Variants in ARHGAP25 observed in about 807,000 individuals in gnomAD.
ARHGAP25 encodes Rho GTPase activating protein 25, also known as rho GTPase-activating protein 25.
ARHGAP25 carries 34 observed loss-of-function variants against 71.0 expected under a neutral mutation model. The ratio of observed to expected loss-of-function variants is 0.48; its 90% confidence interval spans 0.36 to 0.64. The LOEUF is 0.64. ARHGAP25 is among the 30% of genes least tolerant of loss of function. The pLI is 0.00. For missense variants in ARHGAP25, 706 were observed against 805.1 expected, an observed-to-expected ratio of 0.88 and a Z score of 1.49; for synonymous variants, 282 against 296.5, an observed-to-expected ratio of 0.95 and a Z score of 0.50.
intron 6 of ARHGAP25, among the ~76,000 whole-genome samples, 200 bp downstream of exon 6, chr2:68,813,619 A>G (rs1169855804): frequency 6.6e-6 from 1 of 152,242 alleles, no homozygotes; most frequent in African/African-American, 2.4e-5. Flanking sequence ...CAATAATCCA[A>G]TAAAGAATTG....
At position 68,758,111 on chromosome 2, in the gene ARHGAP25, C is replaced by T. The variant is rs1016482648; in HGVS notation, c.62-17110C>T. On this transcript the variant is annotated intron_variant, in intron 1 of 10. Coordinates refer to ENST00000409202, the MANE Select transcript of ARHGAP25 (RefSeq NM_001007231.3). ...AAAGAAAGTAGCTAAATAATATAGA[C>T]GTACACAAACACGAAGGAAGAAAGT... 5.9e-5 allele frequency among the ~76,000 whole-genome samples: 9 copies of T among 151,802 alleles called. No homozygotes were observed. In the East Asian group the frequency reaches 9.6e-4, roughly 16 times the overall value.
intron 4 of ARHGAP25, among the ~76,000 whole-genome samples, chr2:68,802,204 C>T (rs1009907976): frequency 6.6e-6 from 1 of 151,930 alleles, no homozygotes; most frequent in Admixed American, 6.6e-5. Flanking sequence ...GTCAGGAGAT[C>T]GAGACCTTCC....
chr2:68,759,097 G>C (rs1032250282), intron 1 of ARHGAP25, among the ~76,000 whole-genome samples: 3 of 151,758 alleles, frequency 2.0e-5, no homozygotes, highest in Non-Finnish European at 4.4e-5. Context: ...ATGGAAAACA[G>C]AGAAAGCAGG....
At chr2:68,737,820 C>A (rs1675295798) in intron 1 of ARHGAP25, among the ~76,000 whole-genome samples, 1 of 152,064 alleles carries the variant, frequency 6.6e-6, no homozygotes, top group Non-Finnish European at 1.5e-5. Flanking sequence ...AGGAAAGGGG[C>A]CCTAGCTTTT....
At chr2:68,823,754 G>T in intron 10 of ARHGAP25, among the ~76,000 whole-genome samples, 1 of 152,206 alleles carries the variant, frequency 6.6e-6, no homozygotes, top group East Asian at 1.9e-4. Context: ...TTCCCATTGA[G>T]CACCGGCTGC....
At chr2:68,747,959 T>C (rs776404116) in intron 1 of ARHGAP25, among the ~76,000 whole-genome samples, 9 of 152,232 alleles carry the variant, frequency 5.9e-5, no homozygotes, top group Non-Finnish European at 1.3e-4. Flanking sequence ...TCCACTCTTG[T>C]CCTGGACCAT....
chr2:68,816,202 C>A, intron 6 of ARHGAP25, 87 bp from the exon 7 acceptor site: 1 of 1,094,560 alleles, frequency 9.1e-7, no homozygotes, highest in Non-Finnish European at 1.4e-6. Context: ...TGCACAGATA[C>A]ACCAATTCTG....
chr2:68,757,628 G>A (rs1018523449), intron 1 of ARHGAP25: 1 of 152,024 alleles, frequency 6.6e-6, no homozygotes, highest in Non-Finnish European at 1.5e-5. Context: ...TTTTTTACTT[G>A]TCTTTGCAGT....
intron 2 of ARHGAP25, chr2:68,775,719 A>G: frequency 1.8e-6 from 1 of 563,160 alleles, no homozygotes; most frequent in South Asian, 1.5e-5. Flanking sequence ...GCTCAGAGAG[A>G]GTGGATTTGG....
At chr2:68,793,896 C>T (rs1451923781) in intron 4 of ARHGAP25, among the ~76,000 whole-genome samples, 1 of 152,056 alleles carries the variant, frequency 6.6e-6, no homozygotes, top group Non-Finnish European at 1.5e-5. Context: ...ATGATTTTCC[C>T]AATGCATGAG....
intron 4 of ARHGAP25, among the ~76,000 whole-genome samples, chr2:68,792,143 G>C (rs1397313127): frequency 6.6e-6 from 1 of 152,212 alleles, no homozygotes; most frequent in African/African-American, 2.4e-5. Flanking sequence ...TTCCTCCAGA[G>C]ATGAGCCATC....
chr2:68,819,204 T>G lies in ARHGAP25; in HGVS notation c.1085T>G (p.Leu362Arg). Residue 362 changes from leucine (L) to arginine (R), a missense_variant, in exon 9 of 11, where the codon CTG (leucine) becomes CGG (arginine). Transcript: ENST00000409202. Reference sequence around the variant, plus strand: ...TTCCCCAAGTCCAAGGATATACCCCTGTCACCCCCTGCCCAGAAAAATGAC... The same window carrying G: ...TTCCCCAAGTCCAAGGATATACCCCGGTCACCCCCTGCCCAGAAAAATGAC... Reference protein sequence around the residue: ...VLFPKSKDIPLSPPAQKNDPK... With the variant: ...VLFPKSKDIPRSPPAQKNDPK... 1 of 1,614,114 alleles carries G rather than the reference T, an allele frequency of 6.2e-7. No homozygotes were observed. The highest frequency in any genetic ancestry group is 8.5e-7 in the Non-Finnish European group (1 of 1,179,998).
chr2:68,798,201 C>T (rs1679713281), intron 4 of ARHGAP25, among the ~76,000 whole-genome samples: 1 of 152,136 alleles, frequency 6.6e-6, no homozygotes, highest in African/African-American at 2.4e-5. Flanking sequence ...TTTCTTTTCT[C>T]CTTTCATTCT....
At chr2:68,786,034 C>T (rs11694733) in intron 3 of ARHGAP25, among the ~76,000 whole-genome samples, 69,357 of 151,936 alleles carry the variant, frequency 0.46, 16,339 homozygotes, top group African/African-American at 0.56. Flanking sequence ...GTCTCTTGGA[C>T]CTATCTTAAT....
intron 2 of ARHGAP25, among the ~76,000 whole-genome samples, chr2:68,710,992 C>T (rs1013764973): frequency 2.6e-5 from 4 of 152,174 alleles, no homozygotes; most frequent in African/African-American, 9.7e-5. Flanking sequence ...CACTTCCTCC[C>T]TGGTTGTCTA....
At chr2:68,817,538 A>G (rs1681322932) in intron 7 of ARHGAP25, among the ~76,000 whole-genome samples, 2 of 152,208 alleles carry the variant, frequency 1.3e-5, no homozygotes, top group African/African-American at 4.8e-5. Context: ...AGATAAGCCT[A>G]TCAAGGCAGA....
intron 4 of ARHGAP25, among the ~76,000 whole-genome samples, chr2:68,795,986 T>C (rs13409531): frequency 0.22 from 33,415 of 152,076 alleles, 4,468 homozygotes; most frequent in African/African-American, 0.38. Flanking sequence ...TCAGTTCATT[T>C]ATATAGTTCC....
At chr2:68,741,251 A>C (rs1415945783) in intron 1 of ARHGAP25, among the ~76,000 whole-genome samples, 4 of 152,154 alleles carry the variant, frequency 2.6e-5, no homozygotes, top group Non-Finnish European at 5.9e-5. Context: ...TCTGCTCCTA[A>C]TTGTACTGGA....
At chr2:68,730,579 G>A (rs1050006478), upstream of ARHGAP25, among the ~76,000 whole-genome samples, 1 of 151,880 alleles carries the variant, frequency 6.6e-6, no homozygotes, top group Non-Finnish European at 1.5e-5. Flanking sequence ...AAGCCCAGGA[G>A]GTTGAGGCTG....
Sources: gnomAD v4.1 joint callset for allele counts (sites outside exome capture counted in the v4.1 genomes callset) on GRCh38, gnomAD v4.1.1 for gene constraint, MANE v1.5 for transcripts, NCBI Gene and HGNC (gene_info 2026-07-23, HGNC 2026-07-21) for gene names.